Variants in BRD4 observed in about 807,000 individuals in gnomAD.
BRD4 encodes the protein bromodomain-containing protein 4.
In BRD4, 16 loss-of-function variants were observed where a neutral mutation model predicts 142.1. That is an observed-to-expected ratio of 0.11 (90% CI 0.08 to 0.17). The LOEUF is 0.17. Among genes scored for constraint, BRD4 ranks in the 10% least tolerant of loss-of-function variants. BRD4 has a pLI of 1.00. For synonymous variants in BRD4, 833 were observed against 707.5 expected, an observed-to-expected ratio of 1.18 and a Z score of -2.82; for missense variants, 1,424 against 1,810.9, an observed-to-expected ratio of 0.79 and a Z score of 3.88.
At chr19:15,261,224 C>T (rs1476245823) in intron 7 of BRD4, among the ~76,000 whole-genome samples, 1 of 152,178 alleles carries the variant, frequency 6.6e-6, no homozygotes, top group Non-Finnish European at 1.5e-5. Context: ...CGGTGGCTCA[C>T]GCCTGTAATT....
At chr19:15,242,332 G>A (rs939201930) in intron 14 of BRD4, among the ~76,000 whole-genome samples, 9 of 152,132 alleles carry the variant, frequency 5.9e-5, no homozygotes, top group East Asian at 1.9e-4. Context: ...ACACTTAAGC[G>A]CCCAGGAAAA....
intron 1 of BRD4, among the ~76,000 whole-genome samples, chr19:15,292,834 A>C (rs975289717): frequency 2.7e-5 from 4 of 147,830 alleles, no homozygotes; most frequent in East Asian, 4.0e-4. Context: ...GAAAGAAAAG[A>C]AAAGCCTGAA....
intron 1 of BRD4, among the ~76,000 whole-genome samples, chr19:15,302,731 C>A (rs1291875314): frequency 6.8e-6 from 1 of 147,608 alleles, no homozygotes; most frequent in Non-Finnish European, 1.5e-5. Context: ...CTGGGCCGGG[C>A]GCAGTGGTTC....
intron 1 of BRD4, among the ~76,000 whole-genome samples, chr19:15,313,718 GTATTAA>G (rs1454285706): frequency 1.3e-5 from 2 of 152,146 alleles, no homozygotes; most frequent in African/African-American, 4.8e-5. Context: ...ACTGTTTAAT[GTATTAA>G]TATTTATATT....
At chr19:15,245,744 G>A (rs1292938359) in intron 11 of BRD4, among the ~76,000 whole-genome samples, 3 of 152,220 alleles carry the variant, frequency 2.0e-5, no homozygotes, top group Non-Finnish European at 4.4e-5. Context: ...ACAGTCGCCT[G>A]CCACCAGATG....
chr19:15,277,249 G>T (rs759762760), intron 1 of BRD4, among the ~76,000 whole-genome samples: 1 of 152,134 alleles, frequency 6.6e-6, no homozygotes, highest in Non-Finnish European at 1.5e-5. Flanking sequence ...TCCTACTTTT[G>T]TATCTACTTC....
In BRD4 at chr19:15,292,777, C is replaced by CAA. The variant is rs57341445; in HGVS notation, c.-34-19646_-34-19645dup. Among the ~76,000 whole-genome samples the CAA allele has an allele frequency of 5.9e-4, 34 of 57,250 alleles. 1 individual carries two copies. The highest frequency in any genetic ancestry group is 6.8e-4 in the Non-Finnish European group (21 of 30,798). The allele number at this position is 57,250 out of a possible 152,430, so 37.6% of individuals were successfully genotyped here. A position where few individuals can be genotyped will look rare whatever the true frequency, so the allele number is the denominator to read the frequency against. On this transcript the variant is annotated intron_variant, in intron 1 of 19. Transcript: ENST00000679869. ...TAGGTGACAGATCAAGACTCCGTCT[C>CAA]AAAAAAAAAAAAAAAAAAAAAAAAA...
intron 5 of BRD4, 149 bp downstream of exon 5, chr19:15,265,205 T>C: frequency 1.2e-6 from 1 of 805,218 alleles, no homozygotes; most frequent in Non-Finnish European, 1.8e-6. Flanking sequence ...GGGGCGGCTG[T>C]TTCTGGGCTG....
intron 1 of BRD4, among the ~76,000 whole-genome samples, chr19:15,315,259 C>T (rs926965676): frequency 6.6e-6 from 1 of 152,008 alleles, no homozygotes; most frequent in Admixed American, 6.5e-5. Flanking sequence ...TCCTTCAGGG[C>T]ACACCTGTTA....
intron 1 of BRD4, among the ~76,000 whole-genome samples, chr19:15,284,274 G>T (rs764217427): frequency 1.4e-4 from 21 of 152,156 alleles, no homozygotes; most frequent in Non-Finnish European, 2.8e-4. Context: ...GGATCAGGAG[G>T]AGGAACGGCA....
At chr19:15,253,013 T>C (rs560827752) in intron 11 of BRD4, 9 of 221,326 alleles carry the variant, frequency 4.1e-5, no homozygotes, top group Admixed American at 5.6e-5. Context: ...TAGCATTTAT[T>C]TCTAGTTAGA....
At chr19:15,256,903 G>A in intron 8 of BRD4, 61 bp downstream of exon 8, 3 of 1,432,694 alleles carry the variant, frequency 2.1e-6, no homozygotes, top group Non-Finnish European at 2.8e-6. Flanking sequence ...AGAAACTTCT[G>A]GGGAGGCCAC....
At chr19:15,311,732 G>A (rs1362544768) in intron 1 of BRD4, among the ~76,000 whole-genome samples, 1 of 152,036 alleles carries the variant, frequency 6.6e-6, no homozygotes, top group East Asian at 1.9e-4. Flanking sequence ...AACCCGGGAG[G>A]CAGACATTGC....
chr19:15,235,681 G>C lies in BRD4; in HGVS notation c.*2696C>G, dbSNP rs886246080. ...TCACTGACATAATTATTGGCCAAGC[G>C]ATCCGTGCATACAGTACAGTGGGGG... On this transcript the variant is annotated 3_prime_UTR_variant, in exon 20 of 20. Transcript: ENST00000679869. 1 of 152,072 alleles carries C rather than the reference G, an allele frequency of 6.6e-6. No homozygotes were observed. The highest frequency in any genetic ancestry group is 1.5e-5 in the Non-Finnish European group (1 of 68,026). 9.4% of individuals were successfully genotyped at this position (152,072 alleles called of 1,614,324 possible).
chr19:15,244,395 G>A lies in BRD4; in HGVS notation c.2417C>T (p.Pro806Leu). 1 of 1,603,228 alleles carries A rather than the reference G, an allele frequency of 6.2e-7. No homozygotes were observed. The highest frequency in any genetic ancestry group is 1.1e-5 in the South Asian group (1 of 89,790). ...SPPPFIATQV[P>L]VLEPQLPGSV... is the part of the protein sequence containing the mutation. ...GCCTGGGAGCTGGGGCTCCAGGACGGGCACCTGGGTGGCAATGAAGGGTGG... is the reference window on the plus strand; with the variant it reads ...GCCTGGGAGCTGGGGCTCCAGGACGAGCACCTGGGTGGCAATGAAGGGTGG... The change falls in exon 13 of 20, where the codon CCC becomes CTC. Residue 806 changes from proline (P) to leucine (L), a missense_variant. Pro to Leu is a moderately conservative substitution (Grantham distance 98). Transcript: ENST00000679869.
chr19:15,251,294 C>A (rs2047341160), intron 11 of BRD4, among the ~76,000 whole-genome samples: 1 of 152,134 alleles, frequency 6.6e-6, no homozygotes, highest in African/African-American at 2.4e-5. Flanking sequence ...TCACACCCCC[C>A]AGCCTCAATC....
At chr19:15,301,953 G>A (rs930049524) in intron 1 of BRD4, among the ~76,000 whole-genome samples, 10 of 151,784 alleles carry the variant, frequency 6.6e-5, no homozygotes, top group Non-Finnish European at 1.2e-4. Context: ...TATCATTTGA[G>A]GTCAGGAGTT....
intron 1 of BRD4, among the ~76,000 whole-genome samples, chr19:15,278,497 T>C (rs2047673598): frequency 7.1e-6 from 1 of 140,550 alleles, no homozygotes; most frequent in African/African-American, 2.7e-5. Flanking sequence ...ATTGTGCCAC[T>C]GTACTCCAGC....
At chr19:15,258,228 T>C (rs964974145) in intron 7 of BRD4, among the ~76,000 whole-genome samples, 3 of 152,240 alleles carry the variant, frequency 2.0e-5, no homozygotes, top group Non-Finnish European at 4.4e-5. Context: ...AAACACTCCT[T>C]GAGGCTTCCT....
Sources: allele counts gnomAD v4.1 joint callset (sites outside exome capture counted in the v4.1 genomes callset), GRCh38; gene constraint gnomAD v4.1.1; transcripts MANE v1.5; gene names NCBI Gene and HGNC (gene_info 2026-07-23, HGNC 2026-07-21).